The following LYPD8 variants were observed in gnomAD, a reference collection of about 807,000 sequenced individuals.
LYPD8 encodes LY6/PLAUR domain containing 8.
A neutral mutation model predicts 1.7 loss-of-function variants in LYPD8; 8 were observed. The ratio of observed to expected loss-of-function variants is 4.58; its 90% CI spans 2.69 to 8.27. LYPD8 has a LOEUF of 8.27. Among genes scored for constraint, LYPD8 ranks in the 30% most tolerant of loss-of-function variants. LYPD8 has a pLI of 0.00. For synonymous variants in LYPD8, 50 were observed against 43.6 expected, an observed-to-expected ratio of 1.15 and a Z score of -0.58; for missense variants, 112 against 102.3, an observed-to-expected ratio of 1.09 and a Z score of -0.41.
chr1:248,754,381 T>C (rs923208213), intron 2 of LYPD8, among the ~76,000 whole-genome samples: 337 of 148,666 alleles, frequency 2.3e-3, no homozygotes, highest in African/African-American at 8.0e-3. Flanking sequence ...ACACATCACA[T>C]GCCACACATC....
chr1:248,742,023 A>G (rs1018341620), intron 6 of LYPD8, among the ~76,000 whole-genome samples: 1 of 152,236 alleles, frequency 6.6e-6, no homozygotes, highest in Non-Finnish European at 1.5e-5. Flanking sequence ...TACTACTACA[A>G]TGGTGGATGT....
At chr1:248,742,853 G>A (rs113734035) in intron 6 of LYPD8, among the ~76,000 whole-genome samples, 2 of 98,710 alleles carry the variant, frequency 2.0e-5, no homozygotes, top group Non-Finnish European at 3.8e-5. Flanking sequence ...AGCGGGGGAG[G>A]TTACGCTCTG....
intron 2 of LYPD8, among the ~76,000 whole-genome samples, chr1:248,752,522 A>AAC (rs1443428409): frequency 1.3e-5 from 2 of 148,844 alleles, no homozygotes; most frequent in Non-Finnish European, 1.5e-5. Context: ...CANCCCACAC[A>AAC]ACACACACAC....
chr1:248,748,333 T>C lies in LYPD8; in HGVS notation c.293A>G (p.Gln98Arg), dbSNP rs1662744897. The part of the protein sequence containing the change: ...SAEEHFHFVS[Q>R]CCQGKECSNT... ...GCTGCATTCCTTTCCTTGGCAGCAC[T>C]GGCTTACAAAATGAAAGTGTTCTTC... Residue 98 changes from glutamine to arginine, a missense_variant, in exon 5 of 7, where the codon CAG (glutamine) becomes CGG (arginine). Gln to Arg is a conservative substitution (Grantham distance 43, BLOSUM62 1). Coordinates refer to ENST00000590317, the MANE Select transcript of LYPD8 (RefSeq NM_001085474.2). The C allele has an allele frequency of 1.5e-5, 7 of 467,456 alleles. No homozygotes were observed. The allele number at this position is 467,456 out of a possible 1,614,324, so 29.0% of individuals were successfully genotyped here. A position where few individuals can be genotyped will look rare whatever the true frequency, so the allele number is the denominator to read the frequency against.
At chr1:248,752,724 C>T (rs1662825300) in intron 2 of LYPD8, among the ~76,000 whole-genome samples, 1 of 119,298 alleles carries the variant, frequency 8.4e-6, no homozygotes, top group Non-Finnish European at 1.8e-5. Flanking sequence ...CCCCACTGAA[C>T]ACACACACAT....
At chr1:248,750,371 A>G (rs898260728) in intron 4 of LYPD8, among the ~76,000 whole-genome samples, 153 bp downstream of exon 4, 1 of 152,108 alleles carries the variant, frequency 6.6e-6, no homozygotes, top group African/African-American at 2.4e-5. Context: ...GCCTCAGCCA[A>G]GCGTTGTTTC....
chr1:248,748,715 G>C (rs1662752032), intron 4 of LYPD8, among the ~76,000 whole-genome samples: 1 of 152,138 alleles, frequency 6.6e-6, no homozygotes, highest in African/African-American at 2.4e-5. Flanking sequence ...AAAATGGTTG[G>C]TCCAAGTGGA....
At chr1:248,752,770 CCACACAA>C (rs1662828432) in intron 2 of LYPD8, among the ~76,000 whole-genome samples, 4 of 115,936 alleles carry the variant, frequency 3.5e-5, no homozygotes, top group Admixed American at 8.8e-5. Flanking sequence ...ACCACACACC[CCACACAA>C]CACACACCAC....
intron 2 of LYPD8, among the ~76,000 whole-genome samples, chr1:248,751,740 G>A (rs1159273417): frequency 6.6e-6 from 1 of 152,148 alleles, no homozygotes; most frequent in Non-Finnish European, 1.5e-5. Flanking sequence ...CTTCTGGGAG[G>A]TATCAGAACT....
chr1:248,745,018 T>C, intron 6 of LYPD8, 124 bp downstream of exon 6: 1 of 393,184 alleles, frequency 2.5e-6, no homozygotes, highest in Non-Finnish European at 4.5e-6. Flanking sequence ...AAAGACATTA[T>C]GGCCCTTATC....
At chr1:248,751,809 C>T (rs1662806728) in intron 2 of LYPD8, among the ~76,000 whole-genome samples, 2 of 152,232 alleles carry the variant, frequency 1.3e-5, no homozygotes, top group Admixed American at 6.5e-5. Flanking sequence ...TTCCCACAGT[C>T]CTCAGCCTGG....
At position 248,745,315 on chromosome 1, in the gene LYPD8, A is replaced by G. The variant is rs1237753422; in HGVS notation, c.338-36T>C. On this transcript the variant is annotated intron_variant, in intron 5 of 6. Transcript: ENST00000590317. ...CAGAGTCATTACTCAGGACAGTGTT[A>G]TCATACAGAACATGGGAGGAAGGGG... 3 of 398,438 alleles carry G rather than the reference A, an allele frequency of 7.5e-6. No homozygotes were observed. In the East Asian group the frequency reaches 1.1e-4, roughly 14 times the overall value. The allele number at this position is 398,438 out of a possible 1,614,324, so 24.7% of individuals were successfully genotyped here. A position where few individuals can be genotyped will look rare whatever the true frequency, so the allele number is the denominator to read the frequency against.
chr1:248,746,372 G>C (rs1662726049), intron 5 of LYPD8, among the ~76,000 whole-genome samples: 1 of 152,194 alleles, frequency 6.6e-6, no homozygotes, highest in South Asian at 2.1e-4. Flanking sequence ...AAAGAGGGGA[G>C]GCATGGCGGA....
At chr1:248,752,743 C>CA (rs1662826253) in intron 2 of LYPD8, among the ~76,000 whole-genome samples, 1 of 129,010 alleles carries the variant, frequency 7.8e-6, no homozygotes, top group Non-Finnish European at 1.7e-5. Context: ...ATCACACACA[C>CA]CACACACCCC....
intron 5 of LYPD8, among the ~76,000 whole-genome samples, chr1:248,746,208 T>C (rs1464970325): frequency 6.6e-6 from 1 of 152,246 alleles, no homozygotes; most frequent in East Asian, 1.9e-4. Flanking sequence ...TACATATTGA[T>C]AGATGGAGTC....
chr1:248,753,964 CAT>C (rs1232046397), intron 2 of LYPD8, among the ~76,000 whole-genome samples: 3 of 144,434 alleles, frequency 2.1e-5, no homozygotes, highest in African/African-American at 7.9e-5. Flanking sequence ...ACACACATCA[CAT>C]GACACACACC....
At chr1:248,752,690 CCCA>C (rs1662824162) in intron 2 of LYPD8, among the ~76,000 whole-genome samples, 3 of 110,396 alleles carry the variant, frequency 2.7e-5, no homozygotes, top group South Asian at 3.4e-4. Context: ...CACACCACAC[CCCA>C]CAACACACAC....
intron 2 of LYPD8, among the ~76,000 whole-genome samples, chr1:248,754,389 A>G (rs1263117778): frequency 2.0e-5 from 3 of 151,326 alleles, no homozygotes; most frequent in Admixed American, 2.0e-4. Flanking sequence ...CATGCCACAC[A>G]TCACCTGTCA....
rs561215333 is a variant in LYPD8 at position 248,739,627 on chromosome 1, C to G, written c.698G>C (p.Arg233Pro). The change falls in exon 7 of 7, where the codon CGG (arginine) becomes CCG (proline). Residue 233 changes from arginine to proline, a missense_variant. Transcript: ENST00000590317. This position sits in a 1 kb window ranked among gnomAD's most constrained non-coding sequence, Gnocchi z 4.3. ...CCCAGGACCTCAGGGCAGCAGTCCC[C>G]GAAGAAGGAGGCTGGCAAGGGCCAA... is the stretch of plus-strand genomic sequence containing the variant. Reference protein sequence around the residue: ...YLLALASLLLRGLLP With the variant: ...YLLALASLLLPGLLP The G allele has an allele frequency of 6.4e-7, 1 of 1,551,524 alleles. No individual in the cohort carries two copies.
Sources: allele counts gnomAD v4.1 joint callset (sites outside exome capture counted in the v4.1 genomes callset), GRCh38; gene constraint gnomAD v4.1.1; non-coding constraint Gnocchi (gnomAD v3.1); transcripts MANE v1.5; gene names NCBI Gene and HGNC (gene_info 2026-07-23, HGNC 2026-07-21).